The following TRPC3 variants were observed in gnomAD, a reference collection of about 807,000 sequenced individuals.
The protein encoded by TRPC3 is short transient receptor potential channel 3.
TRPC3 carries 54 observed loss-of-function variants against 90.9 expected under a neutral mutation model. That is an observed-to-expected ratio of 0.59 (90% CI 0.48 to 0.75). The LOEUF (loss-of-function observed/expected upper bound fraction) is 0.75. Among genes scored for constraint, TRPC3 ranks in the 30% least tolerant of loss-of-function variants. TRPC3 has a pLI of 0.00. For missense variants in TRPC3, 918 were observed against 1,194.5 expected (o/e 0.77, Z 3.41); for synonymous variants, 424 against 450.9 (o/e 0.94, Z 0.75).
rs201207950 is a variant in TRPC3 at position 121,899,595 on chromosome 4, G to A, written c.2547+17C>T. ...GAATCACATAGAGATCAAGAGATAC[G>A]TCTAATGAATGCTTACCTGATAACG... On this transcript the variant is annotated intron_variant, in intron 10 of 11. Transcript: ENST00000379645. 19 of 1,602,600 alleles carry A rather than the reference G, an allele frequency of 1.2e-5. No homozygotes were observed. Among genetic ancestry groups the A allele is most frequent in the African/African-American group, 1.1e-4 (8 of 74,568 alleles).
intron 10 of TRPC3, among the ~76,000 whole-genome samples, chr4:121,891,072 T>C (rs1187946678): frequency 3.3e-5 from 5 of 152,118 alleles, no homozygotes; most frequent in East Asian, 3.9e-4. Context: ...CAATACCAAG[T>C]TGTAGGATTT....
chr4:121,939,146 A>G (rs1730224070), intron 1 of TRPC3, among the ~76,000 whole-genome samples: 1 of 152,130 alleles, frequency 6.6e-6, no homozygotes. Flanking sequence ...GACTCAGGAC[A>G]TCTCTGCCTG....
At chr4:121,927,390 G>C (rs149687081) in intron 2 of TRPC3, among the ~76,000 whole-genome samples, 2 of 152,240 alleles carry the variant, frequency 1.3e-5, no homozygotes, top group East Asian at 3.9e-4. Context: ...CTACTTTTAT[G>C]ACTTTCACTA....
At position 121,879,446 on chromosome 4, in the gene TRPC3, CAGGT is replaced by C. The variant is rs1727865999; in HGVS notation, c.*286_*289del. ...GAACTGATAGTCTCTTGGAGGCAAA[CAGGT>C]AGTGCAAAGATGTGGAGTTTACTCT... On this transcript the variant is annotated 3_prime_UTR_variant, in exon 12 of 12. Transcript: ENST00000379645. The C allele has an allele frequency of 3.4e-6, 1 of 294,886 alleles. No individual in the cohort carries two copies. The allele number at this position is 294,886 out of a possible 1,614,324, so 18.3% of individuals were successfully genotyped here.
intron 10 of TRPC3, among the ~76,000 whole-genome samples, chr4:121,892,714 C>T (rs933204685): frequency 2.0e-4 from 31 of 152,150 alleles, no homozygotes; most frequent in African/African-American, 6.3e-4. Context: ...CCTAATAAAT[C>T]GAAAAGTATA....
At chr4:121,903,352 G>A (rs1020174149) in intron 8 of TRPC3, among the ~76,000 whole-genome samples, 6 of 152,036 alleles carry the variant, frequency 3.9e-5, no homozygotes, top group African/African-American at 1.4e-4. Flanking sequence ...GCCAAGGAAG[G>A]ATAAAATGAT....
At position 121,943,717 on chromosome 4, in the gene TRPC3, T is replaced by A. The variant is rs1301390362; in HGVS notation, c.215+7749A>T. ...TCATATTTAAATACATTAGTCACTA[T>A]CAATTATATATATATAGTTATTAGA... is the stretch of plus-strand genomic sequence containing the variant. On this transcript the variant is annotated intron_variant, in intron 1 of 11. Transcript: ENST00000379645. 3.9e-5 allele frequency among the ~76,000 whole-genome samples: 6 copies of A among 152,090 alleles called. No homozygotes were observed. In the East Asian group the frequency reaches 1.2e-3, roughly 29 times the overall value.
intron 10 of TRPC3, among the ~76,000 whole-genome samples, chr4:121,898,549 T>A (rs1439815250): frequency 6.6e-6 from 1 of 152,162 alleles, no homozygotes; most frequent in Non-Finnish European, 1.5e-5. Context: ...AAAAATTGTC[T>A]TCCACAAAAC....
chr4:121,948,358 T>C (rs1730563477), intron 1 of TRPC3, among the ~76,000 whole-genome samples: 1 of 115,034 alleles, frequency 8.7e-6, no homozygotes, highest in South Asian at 3.1e-4. Flanking sequence ...CCATAGATTC[T>C]AGCTGGTTTT....
intron 1 of TRPC3, among the ~76,000 whole-genome samples, chr4:121,938,854 A>G (rs1305100364): frequency 6.6e-6 from 1 of 151,994 alleles, no homozygotes; most frequent in South Asian, 2.1e-4. Context: ...CTTTAAAAAA[A>G]AAAACCAAAA....
At chr4:121,888,954 A>C (rs1008527582) in intron 10 of TRPC3, among the ~76,000 whole-genome samples, 1 of 152,218 alleles carries the variant, frequency 6.6e-6, no homozygotes, top group African/African-American at 2.4e-5. Context: ...CTTTTCTGCC[A>C]TATGAGACAG....
chr4:121,936,837 T>C (rs1163525116), intron 1 of TRPC3, among the ~76,000 whole-genome samples: 1 of 152,192 alleles, frequency 6.6e-6, no homozygotes, highest in East Asian at 1.9e-4. Flanking sequence ...AAAATAAATT[T>C]CTGTGTGTGT....
intron 5 of TRPC3, 81 bp downstream of exon 5, chr4:121,911,796 A>C: frequency 7.4e-7 from 1 of 1,356,636 alleles, no homozygotes. Flanking sequence ...ATATAATAAC[A>C]TTTTTTTTCA....
rs1458973762 is a variant in TRPC3, at chr4:121,932,386, T to C, written c.872A>G (p.Tyr291Cys). 7 of 1,614,160 alleles carry C rather than the reference T, an allele frequency of 4.3e-6. No homozygotes were observed. The highest frequency in any genetic ancestry group is 5.9e-6 in the Non-Finnish European group (7 of 1,180,010). ...FSHSRSRINA[Y>C]KGLASPAYLS... ...GTAAGCCGGGCTGGCCAGCCCCTTG[T>C]AGGCATTGATCCTCGAGCGTGAGTG... is the stretch of plus-strand genomic sequence containing the variant. The change falls in exon 2 of 12, where the codon TAC becomes TGC. Residue 291 changes from tyrosine to cysteine, a missense_variant. Physicochemically the swap from Tyr to Cys is radical, Grantham distance 194. This residue lies in a region of TRPC3 where 609 missense variants were observed against 725.9 expected (regional missense o/e 0.84). Coordinates refer to ENST00000379645, the MANE Select transcript of TRPC3 (RefSeq NM_001130698.2). The surrounding 1 kb of genome is among the most constrained non-coding windows in gnomAD (Gnocchi z 7.7).
chr4:121,897,453 CAAAAAAAAAAAAAAAAAAAAAAAA>C (rs70950860), intron 10 of TRPC3, among the ~76,000 whole-genome samples: 9 of 43,420 alleles, frequency 2.1e-4, no homozygotes, highest in Non-Finnish European at 3.6e-4. Context: ...ATCTCAACAG[CAAAAAAAAAAAAAAAAAAAAAAAA>C]AAAAAAAAAA....
chr4:121,914,532 C>T (rs530573921), intron 4 of TRPC3, among the ~76,000 whole-genome samples: 4 of 152,332 alleles, frequency 2.6e-5, no homozygotes, highest in African/African-American at 9.6e-5. Context: ...CTCTGTCTAC[C>T]ATGAGGATTT....
At chr4:121,926,317 C>T (rs1301554931) in intron 2 of TRPC3, among the ~76,000 whole-genome samples, 3 of 152,184 alleles carry the variant, frequency 2.0e-5, no homozygotes, top group East Asian at 1.9e-4. Context: ...TCTTTCTTTA[C>T]CTCCCTGAAT....
In TRPC3 at chr4:121,875,761, C is replaced by T. The variant is rs1324420782; in HGVS notation, c.*3975G>A. ...TGCATTAAAGTTAAAACCATCAACA[C>T]GCTAGTGGTGGTCAGCTGAGTGACT... On this transcript the variant is annotated 3_prime_UTR_variant, in exon 12 of 12. Transcript: ENST00000379645. Among the ~76,000 whole-genome samples the T allele has an allele frequency of 6.6e-6, 1 of 152,060 alleles. No individual in the cohort carries two copies. Among genetic ancestry groups the T allele is most frequent in the East Asian group, 1.9e-4 (1 of 5,202 alleles).
intron 10 of TRPC3, among the ~76,000 whole-genome samples, chr4:121,890,130 G>A (rs1017936373): frequency 5.3e-5 from 8 of 152,202 alleles, no homozygotes; most frequent in African/African-American, 1.9e-4. Flanking sequence ...CATAGAAGTA[G>A]AGAGTAGAAT....
Sources: gnomAD v4.1 joint callset for allele counts (sites outside exome capture counted in the v4.1 genomes callset) on GRCh38, gnomAD v4.1.1 for gene constraint, gnomAD v4.1.1 regional missense constraint, Gnocchi (gnomAD v3.1) non-coding constraint, MANE v1.5 for transcripts, NCBI Gene and HGNC (gene_info 2026-07-23, HGNC 2026-07-21) for gene names.